PELI2: variants seen among roughly 807,000 people sequenced by gnomAD.
PELI2 encodes E3 ubiquitin-protein ligase pellino homolog 2.
Under a neutral mutation model 42.3 loss-of-function variants are expected in PELI2, and 23 were observed. That is an observed-to-expected ratio of 0.54 (90% confidence interval 0.39 to 0.77). The LOEUF (loss-of-function observed/expected upper bound fraction) is 0.77. Ranked by LOEUF, PELI2 falls within the 30% of genes least tolerant of loss-of-function variation. The pLI is 0.00. For synonymous variants in PELI2, 245 were observed against 212.2 expected, an observed-to-expected ratio of 1.15 and a Z score of -1.34; for missense variants, 463 against 553.2, an observed-to-expected ratio of 0.84 and a Z score of 1.64.
intron 2 of PELI2, among the ~76,000 whole-genome samples, chr14:56,252,862 C>G (rs559886827): frequency 6.6e-6 from 1 of 152,140 alleles, no homozygotes; most frequent in Admixed American, 6.5e-5. Flanking sequence ...TTCTATGAGG[C>G]CAGCATTATC....
At chr14:56,267,681 C>T (rs1888955197) in intron 2 of PELI2, among the ~76,000 whole-genome samples, 1 of 151,790 alleles carries the variant, frequency 6.6e-6, no homozygotes, top group South Asian at 2.1e-4. Flanking sequence ...TGGTTTTATT[C>T]CATAAAGAAA....
chr14:56,131,450 A>G lies in PELI2; in HGVS notation c.77+12713A>G, dbSNP rs139256224. Among the ~76,000 whole-genome samples, 124 of 152,364 alleles carry G rather than the reference A, an allele frequency of 8.1e-4. No homozygotes were observed. The East Asian group carries it at 0.019, about 23-fold the overall frequency. ...ATATCAGTTGGTAAAATACCAAAGG[A>G]CAAATACAGCATCTTCATAAGCAGT... On this transcript the variant is annotated intron_variant, in intron 1 of 5. Transcript: ENST00000267460.
intron 1 of PELI2, among the ~76,000 whole-genome samples, chr14:56,130,061 T>G (rs1435868635): frequency 2.9e-5 from 1 of 34,294 alleles, no homozygotes; most frequent in African/African-American, 1.8e-4. Flanking sequence ...GAGATCTGAG[T>G]TTTTTTTTTT....
chr14:56,179,222 A>G (rs935911119), intron 2 of PELI2, among the ~76,000 whole-genome samples: 1 of 152,158 alleles, frequency 6.6e-6, no homozygotes, highest in African/African-American at 2.4e-5. Context: ...TTTTCTATAA[A>G]ATATATTTAC....
chr14:56,127,221 C>T (rs1883302877), intron 1 of PELI2, among the ~76,000 whole-genome samples: 1 of 152,156 alleles, frequency 6.6e-6, no homozygotes, highest in African/African-American at 2.4e-5. Context: ...TTCTGGCAGA[C>T]TGGAACATAA....
At chr14:56,237,833 G>A (rs1228170921) in intron 2 of PELI2, among the ~76,000 whole-genome samples, 3 of 151,290 alleles carry the variant, frequency 2.0e-5, no homozygotes, top group African/African-American at 4.9e-5. Context: ...CTGTGGCACC[G>A]TTCATTATGG....
chr14:56,166,054 C>T (rs1427136138), intron 1 of PELI2, among the ~76,000 whole-genome samples: 1 of 152,112 alleles, frequency 6.6e-6, no homozygotes, highest in Non-Finnish European at 1.5e-5. Flanking sequence ...GTCTTCTCTT[C>T]CTTCTTTTCT....
At chr14:56,153,933 G>C (rs1331313835) in intron 1 of PELI2, among the ~76,000 whole-genome samples, 1 of 152,064 alleles carries the variant, frequency 6.6e-6, no homozygotes, top group Non-Finnish European at 1.5e-5. Flanking sequence ...TTTGTTTCTG[G>C]CTATTGTTTC....
chr14:56,293,520 G>T (rs893685235), intron 5 of PELI2, among the ~76,000 whole-genome samples: 4 of 117,110 alleles, frequency 3.4e-5, no homozygotes, highest in African/African-American at 1.3e-4. Flanking sequence ...ACTAAATTCA[G>T]TAGCTGGAAA....
intron 2 of PELI2, among the ~76,000 whole-genome samples, chr14:56,189,731 T>G (rs759600488): frequency 7.2e-5 from 11 of 152,348 alleles, no homozygotes; most frequent in South Asian, 4.1e-4. Flanking sequence ...TATTAAAAAC[T>G]TAGCTAAAAT....
rs770045239 is a variant in PELI2, at chr14:56,290,259, T to C, written c.508-9T>C. The C allele has an allele frequency of 1.9e-6, 3 of 1,558,192 alleles. No homozygotes were observed. Among genetic ancestry groups the C allele is most frequent in the Admixed American group, 3.6e-5 (2 of 55,972 alleles). ...ACCTACTTTTTCTGTTCTGCTGTGT[T>C]CTCTCCAGGAAAAGGCAGCAAAGTG... On this transcript the variant is annotated splice_polypyrimidine_tract_variant and intron_variant, in intron 4 of 5. Transcript: ENST00000267460.
At position 56,281,129 on chromosome 14, in the gene PELI2, C is replaced by T. The variant is rs560123967; in HGVS notation, c.309+1352C>T. ...ATTGCAGTACTACCATGAATTTCAG[C>T]GCTCAGACCAATTGACCCAGTAATT... is the stretch of plus-strand genomic sequence containing the variant. On this transcript the variant is annotated intron_variant, in intron 3 of 5. Coordinates refer to ENST00000267460, the MANE Select transcript of PELI2 (RefSeq NM_021255.3). 2.6e-5 allele frequency among the ~76,000 whole-genome samples: 4 copies of T among 152,196 alleles called. No individual in the cohort carries two copies. In the South Asian group the frequency reaches 8.3e-4, roughly 32 times the overall value.
At chr14:56,267,539 A>G (rs1888950721) in intron 2 of PELI2, among the ~76,000 whole-genome samples, 1 of 152,178 alleles carries the variant, frequency 6.6e-6, no homozygotes, top group Non-Finnish European at 1.5e-5. Context: ...AAAATTTTGT[A>G]TATTAAGATT....
At chr14:56,275,116 G>T (rs1889244891) in intron 2 of PELI2, among the ~76,000 whole-genome samples, 1 of 152,134 alleles carries the variant, frequency 6.6e-6, no homozygotes, top group South Asian at 2.1e-4. Context: ...TTGAATGCCT[G>T]CCACACTGTT....
At chr14:56,128,868 AG>A (rs963937257) in intron 1 of PELI2, among the ~76,000 whole-genome samples, 1 of 151,516 alleles carries the variant, frequency 6.6e-6, no homozygotes, top group Non-Finnish European at 1.5e-5. Context: ...CGTGTACAGT[AG>A]GGGACAAAAT....
intron 2 of PELI2, among the ~76,000 whole-genome samples, chr14:56,187,960 CA>C (rs1364469541): frequency 1.3e-5 from 2 of 152,216 alleles, no homozygotes; most frequent in Non-Finnish European, 2.9e-5. Context: ...TGGACCTTCG[CA>C]GGGGGCGTTG....
intron 2 of PELI2, among the ~76,000 whole-genome samples, chr14:56,196,040 C>T (rs572533509): frequency 6.6e-6 from 1 of 152,316 alleles, no homozygotes; most frequent in East Asian, 1.9e-4. Flanking sequence ...TAAGTGTTTA[C>T]TCAGCAGGTG....
At chr14:56,148,992 G>A (rs192392749) in intron 1 of PELI2, among the ~76,000 whole-genome samples, 141 of 152,254 alleles carry the variant, frequency 9.3e-4, no homozygotes, top group African/African-American at 3.3e-3. Flanking sequence ...GGAAGGTTGA[G>A]ACCCAAACCC....
intron 2 of PELI2, among the ~76,000 whole-genome samples, chr14:56,225,303 C>CCAGGAAGATTCCTGAGGTAT (rs1189677258): frequency 6.6e-6 from 1 of 152,060 alleles, no homozygotes; most frequent in African/African-American, 2.4e-5. Flanking sequence ...GCTGGCTGCT[C>CCAGGAAGATTCCTGAGGTAT]CAGGAAGATT....
Sources: allele counts gnomAD v4.1 joint callset (sites outside exome capture counted in the v4.1 genomes callset), GRCh38; gene constraint gnomAD v4.1.1; transcripts MANE v1.5; gene names NCBI Gene and HGNC (gene_info 2026-07-23, HGNC 2026-07-21).